NOL10: variants seen among roughly 807,000 people sequenced by gnomAD.
The protein encoded by NOL10 is nucleolar protein 10.
NOL10 carries 58 observed loss-of-function variants against 103.5 expected under a neutral mutation model. The observed-to-expected ratio is 0.56, with a 90% CI of 0.45 to 0.70. NOL10 has a LOEUF of 0.70. NOL10 is among the 30% of genes least tolerant of loss of function. NOL10 has a pLI of 0.00. For missense variants in NOL10, 763 were observed against 807.3 expected, an observed-to-expected ratio of 0.95 and a Z score of 0.67; for synonymous variants, 287 against 282.5, an observed-to-expected ratio of 1.02 and a Z score of -0.16.
chr2:10,682,948 C>T (rs1187246501), intron 2 of NOL10, among the ~76,000 whole-genome samples: 1 of 151,936 alleles, frequency 6.6e-6, no homozygotes, highest in African/African-American at 2.4e-5. Flanking sequence ...CCATGCCTGG[C>T]TAATTTTTGT....
At chr2:10,603,229 C>T in intron 14 of NOL10, 72 bp from the exon 15 acceptor site, 1 of 1,121,646 alleles carries the variant, frequency 8.9e-7, no homozygotes, top group Non-Finnish European at 1.3e-6. Context: ...TTTTCTTGGG[C>T]AACAATTTGA....
At chr2:10,636,474 G>A (rs1008572212) in intron 13 of NOL10, among the ~76,000 whole-genome samples, 3 of 148,126 alleles carry the variant, frequency 2.0e-5, no homozygotes, top group Admixed American at 6.7e-5. Context: ...TGGGTGTGGC[G>A]GCATATACCT....
At chr2:10,585,100 C>A (rs1319867999) in intron 19 of NOL10, among the ~76,000 whole-genome samples, 1 of 152,160 alleles carries the variant, frequency 6.6e-6, no homozygotes, top group East Asian at 1.9e-4. Context: ...TTCTGAGTTG[C>A]CTGATGTGTT....
rs61167760 is a variant in NOL10, at chr2:10,678,739, C to G, written c.212-2868G>C. 5.1e-3 allele frequency among the ~76,000 whole-genome samples: 775 copies of G among 152,130 alleles called. 8 individuals carry two copies. Among genetic ancestry groups the G allele is most frequent in the African/African-American group, 0.018 (736 of 41,492 alleles). ...CTGAGAAAGAAGTAGGGATAGATAC[C>G]GAGATTGAAAGAAAAACCTCTACCA... On this transcript the variant is annotated intron_variant, in intron 3 of 20. Transcript: ENST00000381685.
intron 13 of NOL10, among the ~76,000 whole-genome samples, chr2:10,611,924 A>AAAAAC (rs1271871489): frequency 6.6e-6 from 1 of 152,050 alleles, no homozygotes; most frequent in Non-Finnish European, 1.5e-5. Flanking sequence ...CCCTGCTTAA[A>AAAAAC]AAAACAAAAC....
rs190260929 is a variant in NOL10, at chr2:10,596,392, C to T, written c.1422+4461G>A. Among the ~76,000 whole-genome samples, 60 of 152,050 alleles carry T rather than the reference C, an allele frequency of 3.9e-4. No individual in the cohort carries two copies. In the East Asian group the frequency reaches 9.5e-3, roughly 24 times the overall value. ...ACAACTCGCCATAATATAAAATCAGCGGGAGCCTTGAGCTTGTTTTCCTGC... is the reference window on the plus strand; with the variant it reads ...ACAACTCGCCATAATATAAAATCAGTGGGAGCCTTGAGCTTGTTTTCCTGC... On this transcript the variant is annotated intron_variant, in intron 17 of 20. Coordinates refer to ENST00000381685, the MANE Select transcript of NOL10 (RefSeq NM_024894.4).
At chr2:10,640,394 T>G (rs1678620027) in intron 13 of NOL10, among the ~76,000 whole-genome samples, 1 of 152,126 alleles carries the variant, frequency 6.6e-6, no homozygotes, top group South Asian at 2.1e-4. Context: ...GAAAGGTAGG[T>G]CAGAAAGGAA....
chr2:10,656,889 T>C (rs764139613), intron 11 of NOL10, among the ~76,000 whole-genome samples: 18 of 152,238 alleles, frequency 1.2e-4, no homozygotes, highest in Non-Finnish European at 2.4e-4. Context: ...CTCTTTACTA[T>C]TCTCTCAAAA....
chr2:10,601,210 C>A (rs2148184046), intron 16 of NOL10, among the ~76,000 whole-genome samples: 1 of 151,880 alleles, frequency 6.6e-6, no homozygotes, highest in East Asian at 1.9e-4. Context: ...ACCACAGGCA[C>A]CCGCCACAAC....
intron 12 of NOL10, among the ~76,000 whole-genome samples, chr2:10,653,542 C>T (rs1025971190): frequency 2.0e-5 from 3 of 152,142 alleles, no homozygotes; most frequent in South Asian, 2.1e-4. Flanking sequence ...TGACAGCACA[C>T]GGAGCCCAAG....
chr2:10,650,820 G>A (rs1437199649), intron 12 of NOL10, among the ~76,000 whole-genome samples: 1 of 152,148 alleles, frequency 6.6e-6, no homozygotes, highest in Non-Finnish European at 1.5e-5. Flanking sequence ...ATGCGTAGTT[G>A]AATTATCAGC....
At chr2:10,640,009 A>C (rs1558312932) in intron 13 of NOL10, among the ~76,000 whole-genome samples, 3 of 148,616 alleles carry the variant, frequency 2.0e-5, no homozygotes, top group Middle Eastern at 3.5e-3. Context: ...TTACTCAAGA[A>C]AGATGATATC....
At chr2:10,593,352 T>C (rs1307306409) in intron 17 of NOL10, among the ~76,000 whole-genome samples, 8 of 152,132 alleles carry the variant, frequency 5.3e-5, no homozygotes, top group Non-Finnish European at 1.2e-4. Flanking sequence ...TTGGTCAGGC[T>C]GGTCTCAAAC....
At chr2:10,666,176 A>G (rs1159926060) in intron 8 of NOL10, among the ~76,000 whole-genome samples, 1 of 152,188 alleles carries the variant, frequency 6.6e-6, no homozygotes, top group African/African-American at 2.4e-5. Context: ...ACTTAGGGTA[A>G]CAGCCTCCAG....
At chr2:10,638,787 C>CTGCCTTT (rs1274116125) in intron 13 of NOL10, among the ~76,000 whole-genome samples, 4 of 133,360 alleles carry the variant, frequency 3.0e-5, no homozygotes, top group Non-Finnish European at 6.2e-5. Flanking sequence ...GCCACCGTGC[C>CTGCCTTT]TGGCCTTTTT....
At chr2:10,609,431 CAAAAAAAAAAAA>C (rs60104799) in intron 13 of NOL10, among the ~76,000 whole-genome samples, 3 of 111,588 alleles carry the variant, frequency 2.7e-5, no homozygotes, top group African/African-American at 1.1e-4. Context: ...ACTAAAAATA[CAAAAAAAAAAAA>C]AAAAAAAAAA....
Position 10,641,564 on chromosome 2 carries a change from T to C in NOL10, c.1026+2756A>G, listed in dbSNP as rs1678699648. On this transcript the variant is annotated intron_variant, in intron 13 of 20. Transcript: ENST00000381685. ...AAGCTGTTTTGCTTTCTTTAAAAGA[T>C]CATTTTATAAAATGCAGAAAATACC... 2.0e-5 allele frequency among the ~76,000 whole-genome samples: 3 copies of C among 152,364 alleles called. No individual in the cohort carries two copies. In the South Asian group the frequency reaches 6.2e-4, roughly 32 times the overall value.
At chr2:10,688,311 A>C (rs1682359104) in intron 1 of NOL10, among the ~76,000 whole-genome samples, 1 of 152,174 alleles carries the variant, frequency 6.6e-6, no homozygotes, top group Non-Finnish European at 1.5e-5. Flanking sequence ...CACTAAGAAT[A>C]AAACTTGAAC....
Position 10,589,325 on chromosome 2 carries a change from C to A in NOL10, c.1597-35G>T. 1 of 1,608,888 alleles carries A rather than the reference C, an allele frequency of 6.2e-7. No individual in the cohort carries two copies. Among genetic ancestry groups the A allele is most frequent in the Non-Finnish European group, 8.5e-7 (1 of 1,179,068 alleles). On this transcript the variant is annotated intron_variant, in intron 18 of 20. Transcript: ENST00000381685. ...AAAATAGTAAGCAGCAACTCCTTTC[C>A]CCCAGTCAAACACAGACCCCTTGGT...
Sources: allele counts gnomAD v4.1 joint callset (sites outside exome capture counted in the v4.1 genomes callset), GRCh38; gene constraint gnomAD v4.1.1; transcripts MANE v1.5; gene names NCBI Gene and HGNC (gene_info 2026-07-23, HGNC 2026-07-21).